The following NEGR1 variants were observed in gnomAD, a reference collection of about 807,000 sequenced individuals.
The protein encoded by NEGR1 is neuronal growth regulator 1.
Under a neutral mutation model 40.9 loss-of-function variants are expected in NEGR1, and 10 were observed. The ratio of observed to expected loss-of-function variants is 0.24; its 90% CI spans 0.15 to 0.42. The LOEUF (loss-of-function observed/expected upper bound fraction) is 0.42, where lower values mean the gene tolerates loss of function less well. Ranked by LOEUF, NEGR1 falls within the 10% of genes least tolerant of loss-of-function variation. The pLI is 1.00. For missense variants in NEGR1, 352 were observed against 438.9 expected (o/e 0.80, Z 1.77); for synonymous variants, 185 against 166.8 (o/e 1.11, Z -0.84).
chr1:71,733,359 A>C (rs1483847708), intron 3 of NEGR1, among the ~76,000 whole-genome samples: 1 of 152,164 alleles, frequency 6.6e-6, no homozygotes, highest in Non-Finnish European at 1.5e-5. Context: ...TTAGCATCTG[A>C]GTGAGAACAT....
In NEGR1 at chr1:71,857,887, A is replaced by G. The variant is rs200218734; in HGVS notation, c.409+77192T>C. ...ATCTAACTGATGGGATTTGTTTTTG[A>G]AAGACTTGCTATAGAAAGCCTTTCT... On this transcript the variant is annotated intron_variant, in intron 2 of 6. Transcript: ENST00000357731. Among the ~76,000 whole-genome samples, 3 of 152,126 alleles carry G rather than the reference A, an allele frequency of 2.0e-5. No homozygotes were observed. The East Asian group carries it at 5.8e-4, about 29-fold the overall frequency.
chr1:71,838,800 C>T (rs1193905344), intron 2 of NEGR1, among the ~76,000 whole-genome samples: 1 of 151,906 alleles, frequency 6.6e-6, no homozygotes, highest in South Asian at 2.1e-4. Context: ...TGAAATTAAT[C>T]AAATGAGATT....
At chr1:71,753,321 T>C (rs988969273) in intron 3 of NEGR1, among the ~76,000 whole-genome samples, 1 of 152,110 alleles carries the variant, frequency 6.6e-6, no homozygotes, top group African/African-American at 2.4e-5. Flanking sequence ...TTCAAATATA[T>C]TAGGCACATA....
intron 1 of NEGR1, among the ~76,000 whole-genome samples, chr1:72,275,770 T>C (rs1570214187): frequency 6.6e-6 from 1 of 152,086 alleles, no homozygotes; most frequent in African/African-American, 2.4e-5. Context: ...GAAATTGTTT[T>C]ACAGAAGTAA....
In NEGR1 at chr1:71,443,061, C is replaced by A. The variant is rs192464190; in HGVS notation, c.941-35491G>T. ...TTGAGTAATATTTGTTCACCTTGAA[C>A]CTTCTGGTCAATCTAGGAGTAGCAT... On this transcript the variant is annotated intron_variant, in intron 6 of 6. Transcript: ENST00000357731. Among the ~76,000 whole-genome samples the A allele has an allele frequency of 1.9e-4, 29 of 152,322 alleles. No homozygotes were observed. In the East Asian group the frequency reaches 5.6e-3, roughly 29 times the overall value.
intron 1 of NEGR1, among the ~76,000 whole-genome samples, chr1:71,984,194 A>G (rs1420929057): frequency 1.4e-5 from 2 of 146,062 alleles, no homozygotes; most frequent in Non-Finnish European, 3.0e-5. Context: ...TATAATCCTA[A>G]CTTTTGGCTA....
At chr1:71,620,180 G>A (rs1204233676) in intron 4 of NEGR1, among the ~76,000 whole-genome samples, 1 of 151,936 alleles carries the variant, frequency 6.6e-6, no homozygotes, top group East Asian at 1.9e-4. Context: ...GAGTAGTAAT[G>A]TGTTTCATGT....
intron 2 of NEGR1, among the ~76,000 whole-genome samples, chr1:71,791,160 G>A (rs968313147): frequency 1.3e-5 from 2 of 151,990 alleles, no homozygotes; most frequent in Non-Finnish European, 2.9e-5. Flanking sequence ...TCAATATCAG[G>A]TGCACTTGTG....
chr1:72,136,619 T>TA (rs759151913), intron 1 of NEGR1, among the ~76,000 whole-genome samples: 880 of 68,936 alleles, frequency 0.013, 7 homozygotes, highest in African/African-American at 0.042. Flanking sequence ...ACTGAAACAA[T>TA]AAAAAAAAAA....
At chr1:71,659,980 T>C (rs951196788) in intron 4 of NEGR1, among the ~76,000 whole-genome samples, 5 of 152,184 alleles carry the variant, frequency 3.3e-5, no homozygotes, top group African/African-American at 1.2e-4. Context: ...ACTGGGTATA[T>C]ACCCAGAAGA....
chr1:71,447,145 G>C (rs1022182382), intron 6 of NEGR1, among the ~76,000 whole-genome samples: 4 of 152,242 alleles, frequency 2.6e-5, no homozygotes, highest in African/African-American at 9.6e-5. Flanking sequence ...TGTCAGATCA[G>C]TGGCTGCATT....
At chr1:71,896,001 G>T (rs1266194352) in intron 2 of NEGR1, among the ~76,000 whole-genome samples, 1 of 145,104 alleles carries the variant, frequency 6.9e-6, no homozygotes, top group African/African-American at 2.6e-5. Context: ...TCTCATTGTG[G>T]TTTCAACTTT....
intron 1 of NEGR1, among the ~76,000 whole-genome samples, chr1:72,033,610 T>G (rs1646877873): frequency 6.6e-6 from 1 of 152,210 alleles, no homozygotes; most frequent in Admixed American, 6.5e-5. Flanking sequence ...ATAGACTGTT[T>G]AATTTTAAGC....
intron 2 of NEGR1, among the ~76,000 whole-genome samples, chr1:71,873,564 T>C (rs1003817182): frequency 6.6e-6 from 1 of 152,178 alleles, no homozygotes; most frequent in Non-Finnish European, 1.5e-5. Context: ...AAAATTAAAA[T>C]AATGCACATA....
At chr1:72,133,374 A>C (rs2100318550) in intron 1 of NEGR1, among the ~76,000 whole-genome samples, 1 of 152,204 alleles carries the variant, frequency 6.6e-6, no homozygotes, top group Non-Finnish European at 1.5e-5. Context: ...ATGCAATGGG[A>C]AATATGTGTT....
At chr1:72,114,549 C>T (rs1021055962) in intron 1 of NEGR1, among the ~76,000 whole-genome samples, 2 of 151,710 alleles carry the variant, frequency 1.3e-5, no homozygotes, top group African/African-American at 2.4e-5. Context: ...ATCTATCTAT[C>T]TGAGAGATAA....
intron 2 of NEGR1, among the ~76,000 whole-genome samples, chr1:71,789,388 A>C (rs1326435373): frequency 6.6e-6 from 1 of 152,162 alleles, no homozygotes; most frequent in Non-Finnish European, 1.5e-5. Context: ...TATTTTAGTC[A>C]GTTCTAAATG....
rs186982165 is a variant in NEGR1, at chr1:72,215,533, G to A, written c.176+66786C>T. On this transcript the variant is annotated intron_variant, in intron 1 of 6. Transcript: ENST00000357731. ...TTTAAAAGAAAAAAACAAACAACCCGATCAAAAAGTGGGCAAAGGATATGA... is the reference window on the plus strand; with the variant it reads ...TTTAAAAGAAAAAAACAAACAACCCAATCAAAAAGTGGGCAAAGGATATGA... Among the ~76,000 whole-genome samples, 607 of 151,668 alleles carry A rather than the reference G, an allele frequency of 4.0e-3. 4 individuals are homozygous for A. The highest frequency in any genetic ancestry group is 0.014 in the African/African-American group (576 of 41,424).
At chr1:71,573,052 T>A (rs1401527115) in intron 6 of NEGR1, among the ~76,000 whole-genome samples, 1 of 152,182 alleles carries the variant, frequency 6.6e-6, no homozygotes, top group Non-Finnish European at 1.5e-5. Flanking sequence ...GAGCTTCCCC[T>A]CCCACATACA....
Sources: allele counts gnomAD v4.1 joint callset (sites outside exome capture counted in the v4.1 genomes callset), GRCh38; gene constraint gnomAD v4.1.1; transcripts MANE v1.5; gene names NCBI Gene and HGNC (gene_info 2026-07-23, HGNC 2026-07-21).